ALS2CL: variants seen among roughly 807,000 people sequenced by gnomAD.
The protein encoded by ALS2CL is ALS2 C-terminal-like protein.
ALS2CL carries 112 observed loss-of-function variants against 127.9 expected under a neutral mutation model. That is an observed-to-expected ratio of 0.88 (90% CI 0.75 to 1.02). The LOEUF (loss-of-function observed/expected upper bound fraction) is 1.02, where lower values mean the gene tolerates loss of function less well. Among genes scored for constraint, ALS2CL ranks in the 50% least tolerant of loss-of-function variants. The pLI, the probability that ALS2CL is intolerant of heterozygous loss-of-function variation, is 0.00. For synonymous variants in ALS2CL, 519 were observed against 527.6 expected, an observed-to-expected ratio of 0.98 and a Z score of 0.22; for missense variants, 1,174 against 1,236.7, an observed-to-expected ratio of 0.95 and a Z score of 0.76.
At chr3:46,675,272 C>A (rs1698719538) in intron 20 of ALS2CL, 1 of 287,014 alleles carries the variant, frequency 3.5e-6, no homozygotes, top group Non-Finnish European at 6.5e-6. Context: ...TCCTGTATAA[C>A]CTCAGGCTCA....
At chr3:46,674,505 AAGACAGTCTG>A in intron 21 of ALS2CL, 51 bp downstream of exon 21, 1 of 1,564,542 alleles carries the variant, frequency 6.4e-7, no homozygotes, top group Non-Finnish European at 8.7e-7. Flanking sequence ...CTTTTGGCTG[AAGACAGTCTG>A]AGTCGAGTTT....
Position 46,676,849 on chromosome 3 carries a change from C to T in ALS2CL, c.1931G>A (p.Arg644Lys). The T allele has an allele frequency of 6.2e-7, 1 of 1,613,660 alleles. No individual in the cohort carries two copies. ...TGCATGCTCACACAGCCGGCCTCAC[C>T]TCTCGCAGGACAGGTAATCCTGAGA... is the stretch of plus-strand genomic sequence containing the variant. Reference protein sequence around the residue: ...RRSQDYLSCERTHPEDSVGSM... With the variant: ...RRSQDYLSCEKTHPEDSVGSM... The change falls in exon 17 of 26, where the codon AGG becomes AAG. Residue 644 changes from arginine (R) to lysine (K), a missense_variant and splice_region_variant. Transcript: ENST00000318962.
chr3:46,675,371 A>G, intron 20 of ALS2CL: 1 of 504,984 alleles, frequency 2.0e-6, no homozygotes, highest in Non-Finnish European at 3.5e-6. Flanking sequence ...GAAAGATGAG[A>G]TTGGGATCAT....
chr3:46,675,803 A>G, intron 19 of ALS2CL, 117 bp from the exon 20 acceptor site: 1 of 1,549,486 alleles, frequency 6.5e-7, no homozygotes, highest in Non-Finnish European at 8.7e-7. Context: ...CATGGCCTGC[A>G]GGGTTCATCC....
intron 13 of ALS2CL, chr3:46,680,842 G>A (rs1368852748): frequency 1.9e-6 from 1 of 525,354 alleles, no homozygotes; most frequent in Non-Finnish European, 3.5e-6. Flanking sequence ...GATACGTGGG[G>A]ACTTCAGTGG....
Position 46,681,953 on chromosome 3 carries a change from TG to T in ALS2CL, c.1175+75del. On this transcript the variant is annotated intron_variant, in intron 11 of 25. Coordinates refer to ENST00000318962, the MANE Select transcript of ALS2CL (RefSeq NM_147129.5). The surrounding 1 kb of genome is among the most constrained non-coding windows in gnomAD (Gnocchi z 4.9). ...TTGGGAATTCAGGATGGGGCCGGGC[TG>T]GTGACCACAGCAGGGGAGGAAAGCA... The T allele has an allele frequency of 6.6e-7, 1 of 1,523,034 alleles. No homozygotes were observed. Among genetic ancestry groups the T allele is most frequent in the Non-Finnish European group, 9.0e-7 (1 of 1,111,316 alleles). 94.3% of individuals were successfully genotyped at this position (1,523,034 alleles called of 1,614,324 possible). A position where few individuals can be genotyped will look rare whatever the true frequency, so the allele number is the denominator to read the frequency against.
intron 22 of ALS2CL, among the ~76,000 whole-genome samples, 197 bp from the exon 23 acceptor site, chr3:46,672,398 G>C (rs1383095527): frequency 2.0e-5 from 3 of 152,206 alleles, no homozygotes; most frequent in Non-Finnish European, 2.9e-5. Context: ...ACCATAAAAC[G>C]GGGTGAATAG....
At chr3:46,687,969 A>G (rs1699909147) in intron 3 of ALS2CL, 129 bp downstream of exon 3, 3 of 1,196,518 alleles carry the variant, frequency 2.5e-6, no homozygotes, top group Non-Finnish European at 3.5e-6. Context: ...GGTGAGCACC[A>G]ACCATGGACT....
At position 46,686,266 on chromosome 3, in the gene ALS2CL, G is replaced by A; in HGVS notation, c.666+42C>T. On this transcript the variant is annotated intron_variant, in intron 6 of 25. Transcript: ENST00000318962. The surrounding 1 kb of genome is among the most constrained non-coding windows in gnomAD (Gnocchi z 4.3). ...GCCCCCCAACATCTCCATGCCCAAT[G>A]TGGAACCCCCTCCCTAACTGCCCCT... is the stretch of plus-strand genomic sequence containing the variant. 1 of 1,568,664 alleles carries A rather than the reference G, an allele frequency of 6.4e-7. No homozygotes were observed. Among genetic ancestry groups the A allele is most frequent in the Non-Finnish European group, 8.6e-7 (1 of 1,157,336 alleles).
intron 21 of ALS2CL, among the ~76,000 whole-genome samples, chr3:46,673,855 A>T (rs1236857555): frequency 6.6e-6 from 1 of 151,882 alleles, no homozygotes. Context: ...AGAAACAGGG[A>T]TTTGCAGGGT....
intron 25 of ALS2CL, 129 bp downstream of exon 25, chr3:46,671,359 C>T: frequency 6.9e-7 from 1 of 1,445,334 alleles, no homozygotes; most frequent in Non-Finnish European, 9.2e-7. Flanking sequence ...GAGGACCCTT[C>T]CCAGAGTCAC....
chr3:46,672,563 T>G (rs1559456169), intron 22 of ALS2CL, among the ~76,000 whole-genome samples: 1 of 152,192 alleles, frequency 6.6e-6, no homozygotes, highest in Non-Finnish European at 1.5e-5. Flanking sequence ...CTCCCTGCAT[T>G]TCTGACTCGG....
chr3:46,686,226 C>T lies in ALS2CL; in HGVS notation c.666+82G>A, dbSNP rs538409056. On this transcript the variant is annotated intron_variant, in intron 6 of 25. Coordinates refer to ENST00000318962, the MANE Select transcript of ALS2CL (RefSeq NM_147129.5). The surrounding 1 kb of genome is among the most constrained non-coding windows in gnomAD (Gnocchi z 4.3). ...TAGGGAAACTGAGGCCCAGAGAATACAGCAAGCAGCTCAAGCCCCCCAACA... is the reference window on the plus strand; with the variant it reads ...TAGGGAAACTGAGGCCCAGAGAATATAGCAAGCAGCTCAAGCCCCCCAACA... The T allele has an allele frequency of 7.4e-6, 11 of 1,477,430 alleles. No individual in the cohort carries two copies. In the South Asian group the frequency reaches 1.6e-4, roughly 21 times the overall value. 91.5% of individuals were successfully genotyped at this position (1,477,430 alleles called of 1,614,324 possible).
chr3:46,672,330 C>T, intron 22 of ALS2CL, 129 bp from the exon 23 acceptor site: 2 of 1,148,772 alleles, frequency 1.7e-6, no homozygotes, highest in Non-Finnish European at 1.2e-6. Flanking sequence ...CAGCCCCACC[C>T]TGAGGGCTGA....
chr3:46,683,408 G>A, intron 9 of ALS2CL, 82 bp from the exon 10 acceptor site: 1 of 1,365,088 alleles, frequency 7.3e-7, no homozygotes, highest in Non-Finnish European at 1.0e-6. Flanking sequence ...GTAGCTCCAG[G>A]TACCACCCCC....
At chr3:46,674,927 T>G in intron 20 of ALS2CL, 188 bp from the exon 21 acceptor site, 1 of 510,302 alleles carries the variant, frequency 2.0e-6, no homozygotes, top group Non-Finnish European at 3.3e-6. Context: ...CATAACTTCA[T>G]TCCCTCCTTT....
chr3:46,670,947 C>T lies in ALS2CL; in HGVS notation c.*37G>A, dbSNP rs1031191078. ...GTAATGAGGGACAGGCTGGCAGTGCCCTGCTCAGCTCTTCAGTCTGTCCAG... is the reference window on the plus strand; with the variant it reads ...GTAATGAGGGACAGGCTGGCAGTGCTCTGCTCAGCTCTTCAGTCTGTCCAG... On this transcript the variant is annotated 3_prime_UTR_variant, in exon 26 of 26. Transcript: ENST00000318962. This position sits in a 1 kb window ranked among gnomAD's most constrained non-coding sequence, Gnocchi z 5.5. 2.5e-6 allele frequency: 4 copies of T among 1,589,798 alleles called. No homozygotes were observed. In the African/African-American group the frequency reaches 4.0e-5, roughly 16 times the overall value.
At chr3:46,682,379 G>A (rs981710769) in intron 10 of ALS2CL, among the ~76,000 whole-genome samples, 1 of 152,222 alleles carries the variant, frequency 6.6e-6, no homozygotes, top group African/African-American at 2.4e-5. Flanking sequence ...CCAACAGGAA[G>A]CTCAGAGCTA....
chr3:46,672,108 C>T lies in ALS2CL; in HGVS notation c.2534+32G>A, dbSNP rs367618629. On this transcript the variant is annotated intron_variant, in intron 23 of 25. Coordinates refer to ENST00000318962, the MANE Select transcript of ALS2CL (RefSeq NM_147129.5). ...CCAGGAGCACCCCACACTCTGCCTCCGGACCCCCAACCCACTACGGCTCAC... is the reference window on the plus strand; with the variant it reads ...CCAGGAGCACCCCACACTCTGCCTCTGGACCCCCAACCCACTACGGCTCAC... 4.2e-5 allele frequency: 67 copies of T among 1,614,140 alleles called. 1 individual carries two copies. Among genetic ancestry groups the T allele is most frequent in the South Asian group, 1.6e-4 (15 of 91,078 alleles).
Sources: gnomAD v4.1 joint callset for allele counts (sites outside exome capture counted in the v4.1 genomes callset) on GRCh38, gnomAD v4.1.1 for gene constraint, Gnocchi (gnomAD v3.1) non-coding constraint, MANE v1.5 for transcripts, NCBI Gene and HGNC (gene_info 2026-07-23, HGNC 2026-07-21) for gene names.